The following ELOVL7 variants were observed in gnomAD, a reference collection of about 807,000 sequenced individuals.
ELOVL7 encodes ELOVL fatty acid elongase 7.
ELOVL7 carries 27 observed loss-of-function variants against 35.7 expected under a neutral mutation model. That is an observed-to-expected ratio of 0.76 (90% CI 0.56 to 1.04). The LOEUF (loss-of-function observed/expected upper bound fraction) is 1.04, where lower values mean the gene tolerates loss of function less well. Among genes scored for constraint, ELOVL7 ranks in the 50% least tolerant of loss-of-function variants. The pLI is 0.00. For missense variants in ELOVL7, 327 were observed against 340.8 expected, an observed-to-expected ratio of 0.96 and a Z score of 0.32; for synonymous variants, 113 against 114.6, an observed-to-expected ratio of 0.99 and a Z score of 0.09.
Position 60,801,442 on chromosome 5 carries a change from C to G in ELOVL7, c.-85-2212G>C, listed in dbSNP as rs111492887. 6.9e-4 allele frequency among the ~76,000 whole-genome samples: 105 copies of G among 152,324 alleles called. 1 individual carries two copies. The highest frequency in any genetic ancestry group is 2.5e-3 in the African/African-American group (103 of 41,578). On this transcript the variant is annotated intron_variant, in intron 1 of 8. Transcript: ENST00000508821. ...GAGTACCAGGTGTGGTGGCTCACAT[C>G]CGTAATCCCAGCACTTTGGGAGGCC...
At chr5:60,811,778 C>T (rs1423155003) in intron 1 of ELOVL7, among the ~76,000 whole-genome samples, 1 of 152,122 alleles carries the variant, frequency 6.6e-6, no homozygotes, top group African/African-American at 2.4e-5. Context: ...GCCCCTTGGC[C>T]TTGGACTTCC....
At chr5:60,797,800 A>G (rs978957631) in intron 2 of ELOVL7, among the ~76,000 whole-genome samples, 3 of 152,242 alleles carry the variant, frequency 2.0e-5, no homozygotes, top group African/African-American at 7.2e-5. Flanking sequence ...AAAGGAAAAT[A>G]TCTTGGGCCC....
At chr5:60,830,327 G>A (rs1746407450) in intron 1 of ELOVL7, among the ~76,000 whole-genome samples, 1 of 152,204 alleles carries the variant, frequency 6.6e-6, no homozygotes. Context: ...AGTGGCAAAA[G>A]TGATGAAGAA....
At chr5:60,782,204 A>C (rs1409825757) in intron 3 of ELOVL7, among the ~76,000 whole-genome samples, 2 of 152,192 alleles carry the variant, frequency 1.3e-5, no homozygotes, top group Non-Finnish European at 2.9e-5. Flanking sequence ...AAGAGATATA[A>C]CCTTACATTT....
chr5:60,771,178 G>T (rs1470727248), intron 4 of ELOVL7, among the ~76,000 whole-genome samples: 1 of 152,124 alleles, frequency 6.6e-6, no homozygotes, highest in African/African-American at 2.4e-5. Flanking sequence ...AAAGGATAAT[G>T]AAGCCAGCCA....
At chr5:60,783,996 C>T (rs1743415396) in intron 3 of ELOVL7, 1 of 679,526 alleles carries the variant, frequency 1.5e-6, no homozygotes, top group African/African-American at 1.8e-5. Flanking sequence ...CAGTCTATAC[C>T]CCAATGATTA....
chr5:60,833,186 T>C (rs114011218), intron 1 of ELOVL7, among the ~76,000 whole-genome samples: 4,338 of 152,294 alleles, frequency 0.028, 95 homozygotes, highest in Non-Finnish European at 0.046. Context: ...AGAAAAGCAA[T>C]TGGGCTCTAG....
intron 2 of ELOVL7, among the ~76,000 whole-genome samples, chr5:60,798,003 C>T (rs777671850): frequency 6.6e-5 from 10 of 152,222 alleles, no homozygotes; most frequent in Non-Finnish European, 1.0e-4. Context: ...GAAGCCCCCT[C>T]CCTGCTTCGA....
At chr5:60,802,690 T>C (rs1260223981) in intron 1 of ELOVL7, 1 of 152,212 alleles carries the variant, frequency 6.6e-6, no homozygotes, top group African/African-American at 2.4e-5. Context: ...ATCACTACTA[T>C]ATCTTATATC....
At chr5:60,818,319 G>GAAAAA (rs60141189) in intron 1 of ELOVL7, among the ~76,000 whole-genome samples, 1 of 70,592 alleles carries the variant, frequency 1.4e-5, no homozygotes, top group African/African-American at 5.5e-5. Context: ...TTCCATCTCA[G>GAAAAA]AAAAAAAAAA....
intron 2 of ELOVL7, among the ~76,000 whole-genome samples, chr5:60,791,382 G>A (rs911389196): frequency 1.3e-5 from 2 of 152,146 alleles, no homozygotes; most frequent in African/African-American, 4.8e-5. Flanking sequence ...AGGAGGAAGA[G>A]GAAAGGAGAG....
chr5:60,821,701 G>A (rs1038951231), intron 1 of ELOVL7, among the ~76,000 whole-genome samples: 1 of 152,242 alleles, frequency 6.6e-6, no homozygotes, highest in Non-Finnish European at 1.5e-5. Context: ...GACTGGTGCT[G>A]ACGCACAAAT....
At chr5:60,816,597 AAGTC>A (rs1331267377) in intron 1 of ELOVL7, among the ~76,000 whole-genome samples, 2 of 152,206 alleles carry the variant, frequency 1.3e-5, no homozygotes, top group African/African-American at 4.8e-5. Flanking sequence ...TTTTGACACA[AAGTC>A]AGCACTGGTT....
At chr5:60,815,019 T>G (rs1745442511) in intron 1 of ELOVL7, among the ~76,000 whole-genome samples, 1 of 152,188 alleles carries the variant, frequency 6.6e-6, no homozygotes, top group Admixed American at 6.5e-5. Context: ...TAACAAAGCA[T>G]ATGAGCTGAT....
intron 1 of ELOVL7, among the ~76,000 whole-genome samples, chr5:60,825,340 C>T (rs1391541993): frequency 6.6e-6 from 1 of 152,186 alleles, no homozygotes; most frequent in Non-Finnish European, 1.5e-5. Context: ...CTTCACTTTC[C>T]TCAGATCCCT....
chr5:60,812,243 T>G (rs1036634556), intron 1 of ELOVL7, among the ~76,000 whole-genome samples: 1 of 151,598 alleles, frequency 6.6e-6, no homozygotes, highest in African/African-American at 2.4e-5. Context: ...ATTAATTAAA[T>G]AAAGAAAAGG....
chr5:60,802,407 C>T lies in ELOVL7; in HGVS notation c.-85-3177G>A, dbSNP rs141108376. On this transcript the variant is annotated intron_variant, in intron 1 of 8. Transcript: ENST00000508821. Reference sequence around the variant, plus strand: ...TAAATCATTCTCAGACATGACGACACCCATGACAACATGAGCAACAGGCAT... The same window carrying T: ...TAAATCATTCTCAGACATGACGACATCCATGACAACATGAGCAACAGGCAT... 2.4e-4 allele frequency among the ~76,000 whole-genome samples: 37 copies of T among 152,084 alleles called. 1 individual carries two copies. The highest frequency in any genetic ancestry group is 8.4e-4 in the African/African-American group (35 of 41,476).
rs142315513 is a variant in ELOVL7 at position 60,771,313 on chromosome 5, T to C, written c.255+590A>G. On this transcript the variant is annotated intron_variant, in intron 4 of 8. Transcript: ENST00000508821. ...TTTAGGGTCCTGGAAGAGCCCCATC[T>C]CTCTTATTAACAATTAAGGGACAGT... is the stretch of plus-strand genomic sequence containing the variant. Among the ~76,000 whole-genome samples the C allele has an allele frequency of 8.9e-4, 136 of 152,210 alleles. 1 individual carries two copies. Among genetic ancestry groups the C allele is most frequent in the Non-Finnish European group, 1.5e-3 (101 of 68,010 alleles).
At chr5:60,793,944 AT>A (rs973013403) in intron 2 of ELOVL7, among the ~76,000 whole-genome samples, 4 of 152,178 alleles carry the variant, frequency 2.6e-5, no homozygotes, top group Non-Finnish European at 4.4e-5. Flanking sequence ...GCTACCTTAG[AT>A]TATAAGGCAG....
Sources: gnomAD v4.1 joint callset for allele counts (sites outside exome capture counted in the v4.1 genomes callset) on GRCh38, gnomAD v4.1.1 for gene constraint, MANE v1.5 for transcripts, NCBI Gene and HGNC (gene_info 2026-07-23, HGNC 2026-07-21) for gene names.